Variants in ENTPD6 observed in about 807,000 individuals in gnomAD.
ENTPD6 encodes ectonucleoside triphosphate diphosphohydrolase 6, also known as CD39 antigen-like 2.
Under a neutral mutation model 61.5 loss-of-function variants are expected in ENTPD6, and 46 were observed. The ratio of observed to expected loss-of-function variants is 0.75; its 90% CI spans 0.59 to 0.96. The LOEUF is 0.96. Ranked by LOEUF, ENTPD6 falls within the 40% of genes least tolerant of loss-of-function variation. The probability of loss-of-function intolerance (pLI) is 0.00; values close to 1 mark genes in which losing one functional copy is unlikely to be tolerated. For synonymous variants in ENTPD6, 252 were observed against 255.5 expected (o/e 0.99, Z 0.13); for missense variants, 612 against 629.0 (o/e 0.97, Z 0.29).
At chr20:25,201,965 G>A (rs1045856256) in intron 1 of ENTPD6, among the ~76,000 whole-genome samples, 5 of 152,020 alleles carry the variant, frequency 3.3e-5, no homozygotes, top group Non-Finnish European at 7.4e-5. Context: ...ATATCCTCTC[G>A]CCTCCGCCTC....
chr20:25,225,459 G>A (rs1012118629), intron 14 of ENTPD6, 40 bp from the exon 15 acceptor site: 1 of 1,600,248 alleles, frequency 6.2e-7, no homozygotes, highest in African/African-American at 1.3e-5. Context: ...AGGCTTTCCT[G>A]TCTGTGTGAT....
In ENTPD6 at chr20:25,217,365, G is replaced by T. The variant is rs1201239233; in HGVS notation, c.799-137G>T. 6.5e-6 allele frequency: 5 copies of T among 766,536 alleles called. 1 individual carries two copies. The highest frequency in any genetic ancestry group is 1.7e-5 in the South Asian group (1 of 59,964). The allele number at this position is 766,536 out of a possible 1,614,324, so 47.5% of individuals were successfully genotyped here. A position where few individuals can be genotyped will look rare whatever the true frequency, so the allele number is the denominator to read the frequency against. On this transcript the variant is annotated intron_variant, in intron 8 of 14. Coordinates refer to ENST00000376652, the MANE Select transcript of ENTPD6 (RefSeq NM_001247.5). ...GCTCCTTATTGCCTGCTCCTGTCTCGCAGCCAGCGACCTAGTGAACAGCTC... is the reference window on the plus strand; with the variant it reads ...GCTCCTTATTGCCTGCTCCTGTCTCTCAGCCAGCGACCTAGTGAACAGCTC...
chr20:25,215,598 T>C, intron 6 of ENTPD6, 78 bp from the exon 7 acceptor site: 1 of 1,455,060 alleles, frequency 6.9e-7, no homozygotes, highest in Non-Finnish European at 9.7e-7. Flanking sequence ...GATCTGCAAA[T>C]AGTCATTTAA....
At chr20:25,215,963 GT>G (rs2092292449) in intron 7 of ENTPD6, among the ~76,000 whole-genome samples, 1 of 152,174 alleles carries the variant, frequency 6.6e-6, no homozygotes, top group African/African-American at 2.4e-5. Flanking sequence ...CCCCTGCCCT[GT>G]CCCCTGCAGA....
intron 1 of ENTPD6, among the ~76,000 whole-genome samples, chr20:25,196,708 G>A (rs2090461246): frequency 6.6e-6 from 1 of 152,202 alleles, no homozygotes. Flanking sequence ...ACCTCGCGCA[G>A]GAGTTCCTTG....
chr20:25,199,111 TG>T (rs1200281718), intron 1 of ENTPD6, among the ~76,000 whole-genome samples: 1 of 152,148 alleles, frequency 6.6e-6, no homozygotes, highest in Non-Finnish European at 1.5e-5. Context: ...GATCTGGTTT[TG>T]TGTTGGGTGC....
At chr20:25,221,132 C>A (rs2092616598) in intron 10 of ENTPD6, 100 bp from the exon 11 acceptor site, 3 of 850,260 alleles carry the variant, frequency 3.5e-6, no homozygotes, top group South Asian at 3.4e-5. Flanking sequence ...CAGCTTCCCC[C>A]ATCCTGTGTC....
chr20:25,216,556 T>C, intron 7 of ENTPD6, 92 bp from the exon 8 acceptor site: 1 of 867,412 alleles, frequency 1.2e-6, no homozygotes, highest in South Asian at 1.5e-5. Flanking sequence ...TGTCTTTTCT[T>C]TCCCCTGAGG....
chr20:25,223,312 C>G (rs2092699463), intron 12 of ENTPD6, among the ~76,000 whole-genome samples: 1 of 152,122 alleles, frequency 6.6e-6, no homozygotes, highest in Non-Finnish European at 1.5e-5. Context: ...CCTCCTGTGA[C>G]CTGCAGGTGG....
In ENTPD6 at chr20:25,207,058, C is replaced by CT. The variant is rs753963852; in HGVS notation, c.55-17dup. The CT allele has an allele frequency of 5.1e-5, 81 of 1,585,298 alleles. No individual in the cohort carries two copies. In the East Asian group the frequency reaches 9.7e-4, roughly 19 times the overall value. ...GCACCCTAACGTGCTTTTCCTGCCT[C>CT]TCCCCCCTTCCCACCAGCAGCCGCA... is the stretch of plus-strand genomic sequence containing the variant. On this transcript the variant is annotated splice_polypyrimidine_tract_variant and intron_variant, in intron 2 of 14. Transcript: ENST00000376652.
chr20:25,208,802 TATCCTATTCCGCTGTTTATTG>T (rs2091716203), intron 3 of ENTPD6, among the ~76,000 whole-genome samples: 4 of 152,280 alleles, frequency 2.6e-5, no homozygotes, highest in Admixed American at 2.6e-4. Context: ...TGGAGTCACT[TATCCTATTCCGCTGTTTATTG>T]AATTGGCAAG....
At chr20:25,221,356 T>C in intron 11 of ENTPD6, 23 bp downstream of exon 11, 1 of 1,592,542 alleles carries the variant, frequency 6.3e-7, no homozygotes. Flanking sequence ...TTGCTGCCTG[T>C]TGGTTTCTGC....
chr20:25,204,742 G>A (rs997639564), intron 1 of ENTPD6, among the ~76,000 whole-genome samples: 1 of 152,190 alleles, frequency 6.6e-6, no homozygotes, highest in Non-Finnish European at 1.5e-5. Flanking sequence ...GCTCCCTCCA[G>A]TTCAAGGGAA....
chr20:25,197,004 G>A, intron 1 of ENTPD6: 1 of 751,620 alleles, frequency 1.3e-6, no homozygotes, highest in African/African-American at 1.9e-5. Flanking sequence ...TGGTGTTGAC[G>A]GGCGGTTCAC....
chr20:25,218,422 G>A, intron 9 of ENTPD6, 128 bp from the exon 10 acceptor site: 1 of 781,018 alleles, frequency 1.3e-6, no homozygotes. Flanking sequence ...TTTAGAAGGA[G>A]CAGAGAAGCT....
At chr20:25,208,708 T>A (rs1430788701) in intron 3 of ENTPD6, among the ~76,000 whole-genome samples, 1 of 152,216 alleles carries the variant, frequency 6.6e-6, no homozygotes, top group African/African-American at 2.4e-5. Flanking sequence ...CTCCATTTTT[T>A]AAAATGAAGA....
chr20:25,208,811 C>T (rs1305740180), intron 3 of ENTPD6, among the ~76,000 whole-genome samples: 1 of 152,166 alleles, frequency 6.6e-6, no homozygotes, highest in Non-Finnish European at 1.5e-5. Context: ...TTATCCTATT[C>T]CGCTGTTTAT....
intron 6 of ENTPD6, among the ~76,000 whole-genome samples, chr20:25,215,415 G>A (rs747488941): frequency 1.4e-4 from 21 of 152,290 alleles, no homozygotes; most frequent in Non-Finnish European, 2.4e-4. Context: ...AAAAGAGGAG[G>A]CCAGTAATAA....
At chr20:25,212,683 G>A (rs949304830) in intron 4 of ENTPD6, among the ~76,000 whole-genome samples, 4 of 152,046 alleles carry the variant, frequency 2.6e-5, no homozygotes, top group Admixed American at 1.3e-4. Flanking sequence ...GAGACACAGC[G>A]TCTCTATAAG....
Sources: allele counts gnomAD v4.1 joint callset (sites outside exome capture counted in the v4.1 genomes callset), GRCh38; gene constraint gnomAD v4.1.1; transcripts MANE v1.5; gene names NCBI Gene and HGNC (gene_info 2026-07-23, HGNC 2026-07-21).